Variants in DES observed in about 807,000 individuals in gnomAD.
DES encodes cardiomyopathy, dilated 1F (autosomal dominant).
In DES, 34 loss-of-function variants were observed where a neutral mutation model predicts 55.1. The ratio of observed to expected loss-of-function variants is 0.62; its 90% confidence interval spans 0.47 to 0.82. DES has a LOEUF of 0.82. Ranked by LOEUF, DES falls within the 40% of genes least tolerant of loss-of-function variation. The probability of loss-of-function intolerance (pLI) is 0.00; values close to 1 mark genes in which losing one functional copy is unlikely to be tolerated. For missense variants in DES, 596 were observed against 645.9 expected (o/e 0.92, Z 0.84); for synonymous variants, 259 against 270.8 (o/e 0.96, Z 0.43).
At chr2:219,423,214 G>A (rs565341653) in intron 6 of DES, among the ~76,000 whole-genome samples, 28 of 152,250 alleles carry the variant, frequency 1.8e-4, no homozygotes, top group African/African-American at 6.5e-4. Flanking sequence ...TGGAGGGCGC[G>A]GTGGGGTTGC....
rs1559352440 is a variant in DES at position 219,418,976 on chromosome 2, C to G, written c.514C>G (p.Gln172Glu). The G allele has an allele frequency of 6.4e-7, 1 of 1,553,646 alleles. No homozygotes were observed. The highest frequency in any genetic ancestry group is 1.9e-5 in the Admixed American group (1 of 51,524). ...LRRQVEVLTN[Q>E]RARVDVERDN... Reference sequence around the variant, plus strand: ...GCGCCAGGTGGAGGTGCTCACTAACCAGCGCGCGCGCGTCGACGTCGAGCG... The same window carrying G: ...GCGCCAGGTGGAGGTGCTCACTAACGAGCGCGCGCGCGTCGACGTCGAGCG... The change falls in exon 1 of 9, where the codon CAG (glutamine) becomes GAG (glutamate). Residue 172 changes from glutamine to glutamate, a missense_variant. Gln to Glu is a conservative substitution (Grantham distance 29). Transcript: ENST00000373960.
rs886044090 is a variant in DES, at chr2:219,418,646, G to A, written c.184G>A (p.Gly62Arg). Residue 62 changes from glycine (G) to arginine (R), a missense_variant, in exon 1 of 9, where the codon GGG becomes AGG. Gly to Arg is a moderately radical substitution (Grantham distance 125). Transcript: ENST00000373960. ...GTACCAGGTGTCGCGCACGTCGGGC[G>A]GGGCCGGGGGCCTGGGGTCGCTGCG... ...RVYQVSRTSG[G>R]AGGLGSLRAS... 1.1e-5 allele frequency: 18 copies of A among 1,594,940 alleles called. No individual in the cohort carries two copies. The highest frequency in any genetic ancestry group is 2.7e-5 in the African/African-American group (2 of 74,628).
chr2:219,421,244 A>C, intron 5 of DES, 96 bp from the exon 6 acceptor site: 1 of 1,332,356 alleles, frequency 7.5e-7, no homozygotes, highest in Non-Finnish European at 1.1e-6. Flanking sequence ...CATGGCCTGG[A>C]CCTGACCATC....
intron 8 of DES, 32 bp downstream of exon 8, chr2:219,425,777 G>T (rs1176253768): frequency 6.2e-7 from 1 of 1,607,820 alleles, no homozygotes; most frequent in Non-Finnish European, 8.5e-7. Flanking sequence ...CTTACCCTTG[G>T]TGGGGGCTAT....
At position 219,420,269 on chromosome 2, in the gene DES, C is replaced by G. The variant is rs1441425291; in HGVS notation, c.658C>G (p.Leu220Val). The G allele has an allele frequency of 1.2e-6, 2 of 1,614,226 alleles. No homozygotes were observed. The highest frequency in any genetic ancestry group is 8.5e-7 in the Non-Finnish European group (1 of 1,180,044). ...AFRADVDAATLARIDLERRIE... is the reference protein window; with the variant it reads ...AFRADVDAATVARIDLERRIE... ...CTCCCAGGACGTGGATGCAGCTACT[C>G]TAGCTCGCATTGACCTGGAGCGCAG... The change falls in exon 3 of 9, where the codon CTA becomes GTA. Residue 220 changes from leucine (L) to valine (V), a missense_variant. By Grantham distance (32) the Leu-to-Val change is conservative. Coordinates refer to ENST00000373960, the MANE Select transcript of DES (RefSeq NM_001927.4). This position sits in a 1 kb window ranked among gnomAD's most constrained non-coding sequence, Gnocchi z 6.0.
At position 219,426,358 on chromosome 2, in the gene DES, A is replaced by G; in HGVS notation, c.*368A>G. ...CAGCCCCAGAGCAGGGTGTTGGGAT[A>G]CTGCAGGGCCAGGACTGAGCCCCGC... On this transcript the variant is annotated 3_prime_UTR_variant, in exon 9 of 9. Coordinates refer to ENST00000373960, the MANE Select transcript of DES (RefSeq NM_001927.4). The surrounding 1 kb of genome is among the most constrained non-coding windows in gnomAD (Gnocchi z 4.5). 2.3e-6 allele frequency: 1 copy of G among 426,622 alleles called. No homozygotes were observed. Among genetic ancestry groups the G allele is most frequent in the Admixed American group, 3.5e-5 (1 of 28,532 alleles). 26.4% of individuals were successfully genotyped at this position (426,622 alleles called of 1,614,324 possible). A position where few individuals can be genotyped will look rare whatever the true frequency, so the allele number is the denominator to read the frequency against.
Position 219,423,797 on chromosome 2 carries a change from C to T in DES, c.1265C>T (p.Thr422Ile). The T allele has an allele frequency of 6.2e-7, 1 of 1,613,928 alleles. No individual in the cohort carries two copies. Among genetic ancestry groups the T allele is most frequent in the Non-Finnish European group, 8.5e-7 (1 of 1,179,874 alleles). Residue 422 changes from threonine to isoleucine, a missense_variant, in exon 7 of 9, where the codon ACC becomes ATC. By Grantham distance (89) the Thr-to-Ile change is moderately conservative. Transcript: ENST00000373960. Reference protein sequence around the residue: ...EESRINLPIQTYSALNFRETS... With the variant: ...EESRINLPIQIYSALNFRETS... Reference sequence around the variant, plus strand: ...TTTAGGATCAATCTCCCCATCCAGACCTACTCTGCCCTCAACTTCCGAGGT... The same window carrying T: ...TTTAGGATCAATCTCCCCATCCAGATCTACTCTGCCCTCAACTTCCGAGGT...
rs1575013369 is a variant in DES at position 219,418,879 on chromosome 2, A to G, written c.417A>G (p.Glu139=). Residue 139 remains glutamate, a synonymous_variant, in exon 1 of 9, where the codon GAA becomes GAG. Coordinates refer to ENST00000373960, the MANE Select transcript of DES (RefSeq NM_001927.4). ...AGCAGAACGCGGCGCTCGCCGCCGA[A>G]GTGAACCGGCTCAAGGGCCGCGAGC... ...LEQQNAALAA[E]VNRLKGREPT... is the part of the protein sequence containing the mutation. 1.9e-6 allele frequency: 3 copies of G among 1,572,628 alleles called. No individual in the cohort carries two copies. Among genetic ancestry groups the G allele is most frequent in the Non-Finnish European group, 8.6e-7 (1 of 1,159,596 alleles).
chr2:219,421,028 C>A (rs966456500), intron 5 of DES, 75 bp downstream of exon 5: 116 of 1,563,248 alleles, frequency 7.4e-5, no homozygotes, highest in Non-Finnish European at 1.0e-4. Context: ...TGACCTTGGG[C>A]CCATCATAGA....
Position 219,420,729 on chromosome 2 carries a change from C to G in DES, c.897+73C>G. The G allele has an allele frequency of 6.2e-7, 1 of 1,613,594 alleles. No individual in the cohort carries two copies. The highest frequency in any genetic ancestry group is 8.5e-7 in the Non-Finnish European group (1 of 1,179,710). On this transcript the variant is annotated intron_variant, in intron 4 of 8. Transcript: ENST00000373960. This position sits in a 1 kb window ranked among gnomAD's most constrained non-coding sequence, Gnocchi z 6.0. The stretch of plus-strand genomic sequence containing the variant: ...AGCTTGGATGTGCTGCCTGTGGTAC[C>G]ATCCATGGGAGGAGAGCCCAGAGGC...
chr2:219,421,005 C>T (rs1954431246), intron 5 of DES, 52 bp downstream of exon 5: 1 of 1,596,858 alleles, frequency 6.3e-7, no homozygotes, highest in African/African-American at 1.3e-5. Context: ...CTGCAGTTCA[C>T]ACCCTCACTT....
rs774330779 is a variant in DES at position 219,420,284 on chromosome 2, C to T, written c.673C>T (p.Leu225=). The T allele has an allele frequency of 3.1e-6, 5 of 1,614,220 alleles. No homozygotes were observed. The highest frequency in any genetic ancestry group is 8.5e-7 in the Non-Finnish European group (1 of 1,180,048). The change falls in exon 3 of 9, where the codon CTG becomes TTG. Residue 225 remains leucine, a synonymous_variant. Transcript: ENST00000373960. This position sits in a 1 kb window ranked among gnomAD's most constrained non-coding sequence, Gnocchi z 6.0. Reference sequence around the variant, plus strand: ...TGCAGCTACTCTAGCTCGCATTGACCTGGAGCGCAGAATTGAATCTCTCAA... The same window carrying T: ...TGCAGCTACTCTAGCTCGCATTGACTTGGAGCGCAGAATTGAATCTCTCAA... ...VDAATLARID[L]ERRIESLNEE... is the part of the protein sequence containing the mutation.
rs201433470 is a variant in DES, at chr2:219,420,669, G to T, written c.897+13G>T. ...GTACAAGTCGAAGGTGGGTGGCCTCGCCCGGGGACTGGCATCTCCGTCCCC... is the reference window on the plus strand; with the variant it reads ...GTACAAGTCGAAGGTGGGTGGCCTCTCCCGGGGACTGGCATCTCCGTCCCC... On this transcript the variant is annotated intron_variant, in intron 4 of 8. Transcript: ENST00000373960. This position sits in a 1 kb window ranked among gnomAD's most constrained non-coding sequence, Gnocchi z 6.0. The T allele has an allele frequency of 4.3e-6, 7 of 1,614,000 alleles. No individual in the cohort carries two copies. The highest frequency in any genetic ancestry group is 5.1e-6 in the Non-Finnish European group (6 of 1,180,010).
rs1575016807 is a variant in DES at position 219,425,691 on chromosome 2, G to A, written c.1317G>A (p.Glu439=). The part of the protein sequence containing the change: ...RETSPEQRGS[E]VHTKKTVMIK... The stretch of plus-strand genomic sequence containing the variant: ...CCAGCCCTGAGCAAAGGGGTTCTGA[G>A]GTCCATACCAAGAAGACGGTGATGA... The change falls in exon 8 of 9, where the codon GAG becomes GAA. Residue 439 remains glutamate, a synonymous_variant. Transcript: ENST00000373960. The A allele has an allele frequency of 6.3e-7, 1 of 1,592,462 alleles. No homozygotes were observed. Among genetic ancestry groups the A allele is most frequent in the South Asian group, 1.2e-5 (1 of 86,858 alleles).
chr2:219,420,084 G>C lies in DES; in HGVS notation c.579-11G>C. ...CCCGCAACTGTCTGTCTTTCTGTCT[G>C]TCCCACCCAGGCTGCAGGAGGAGAT... On this transcript the variant is annotated splice_polypyrimidine_tract_variant and intron_variant, in intron 1 of 8. Coordinates refer to ENST00000373960, the MANE Select transcript of DES (RefSeq NM_001927.4). This position sits in a 1 kb window ranked among gnomAD's most constrained non-coding sequence, Gnocchi z 6.0. The C allele has an allele frequency of 6.2e-7, 1 of 1,614,118 alleles. No individual in the cohort carries two copies. Among genetic ancestry groups the C allele is most frequent in the Non-Finnish European group, 8.5e-7 (1 of 1,180,002 alleles).
At chr2:219,425,787 T>A in intron 8 of DES, 42 bp downstream of exon 8, 1 of 1,605,524 alleles carries the variant, frequency 6.2e-7, no homozygotes, top group Non-Finnish European at 8.5e-7. Flanking sequence ...GTGGGGGCTA[T>A]GGATGTGTCT....
At chr2:219,423,289 T>C (rs1954476183) in intron 6 of DES, among the ~76,000 whole-genome samples, 2 of 152,142 alleles carry the variant, frequency 1.3e-5, no homozygotes, top group Admixed American at 1.3e-4. Context: ...AGACTATTCC[T>C]GGGACAGCTC....
In DES at chr2:219,423,782, A is replaced by G. The variant is rs376141178; in HGVS notation, c.1250A>G (p.Asn417Ser). 1.9e-6 allele frequency: 3 copies of G among 1,613,744 alleles called. No homozygotes were observed. The highest frequency in any genetic ancestry group is 2.7e-5 in the African/African-American group (2 of 74,988). Residue 417 changes from asparagine to serine, a missense_variant, in exon 7 of 9, where the codon AAT becomes AGT. Physicochemically the swap from Asn to Ser is conservative, Grantham distance 46 (BLOSUM62 1). Coordinates refer to ENST00000373960, the MANE Select transcript of DES (RefSeq NM_001927.4). ...TTTTGTCTCTTCCCTTTTAGGATCA[A>G]TCTCCCCATCCAGACCTACTCTGCC... The part of the protein sequence containing the change: ...KLLEGEESRI[N>S]LPIQTYSALN...
Position 219,421,540 on chromosome 2 carries a change from G to A in DES, c.1224G>A (p.Leu408=), listed in dbSNP as rs1454100254. 2.5e-6 allele frequency: 4 copies of A among 1,614,034 alleles called. No homozygotes were observed. The highest frequency in any genetic ancestry group is 1.7e-5 in the Admixed American group (1 of 60,020). Residue 408 remains leucine, a synonymous_variant, in exon 6 of 9, where the codon CTG becomes CTA. Coordinates refer to ENST00000373960, the MANE Select transcript of DES (RefSeq NM_001927.4). ...TGGAGATTGCCACCTACCGGAAGCT[G>A]CTGGAGGGAGAGGAGAGCCGGTGAG... ...LDVEIATYRK[L]LEGEESRINL...
Sources: gnomAD v4.1 joint callset for allele counts (sites outside exome capture counted in the v4.1 genomes callset) on GRCh38, gnomAD v4.1.1 for gene constraint, Gnocchi (gnomAD v3.1) non-coding constraint, MANE v1.5 for transcripts, NCBI Gene and HGNC (gene_info 2026-07-23, HGNC 2026-07-21) for gene names.